The following NAV2 variants were observed in gnomAD, a reference collection of about 807,000 sequenced individuals.
The protein encoded by NAV2 is neuron navigator 2.
Under a neutral mutation model 223.2 loss-of-function variants are expected in NAV2, and 54 were observed. The observed-to-expected ratio is 0.24, with a 90% CI of 0.19 to 0.30. The LOEUF (loss-of-function observed/expected upper bound fraction) is 0.30. Ranked by LOEUF, NAV2 falls within the 10% of genes least tolerant of loss-of-function variation. The pLI is 1.00. For missense variants in NAV2, 2,806 were observed against 3,147.5 expected, an observed-to-expected ratio of 0.89 and a Z score of 2.60; for synonymous variants, 1,279 against 1,239.3, an observed-to-expected ratio of 1.03 and a Z score of -0.67.
At chr11:19,641,625 C>T (rs2047668472) in intron 1 of NAV2, among the ~76,000 whole-genome samples, 1 of 151,914 alleles carries the variant, frequency 6.6e-6, no homozygotes, top group Admixed American at 6.6e-5. Flanking sequence ...CAGACCCCCA[C>T]AAACACAGTG....
chr11:19,431,085 G>T (rs1333342664), intron 1 of NAV2, among the ~76,000 whole-genome samples: 1 of 152,250 alleles, frequency 6.6e-6, no homozygotes, highest in East Asian at 1.9e-4. Flanking sequence ...TAGACAGGCA[G>T]GTGGAGGGGC....
At chr11:19,445,228 C>G (rs1218302873) in intron 1 of NAV2, among the ~76,000 whole-genome samples, 3 of 151,948 alleles carry the variant, frequency 2.0e-5, no homozygotes, top group Non-Finnish European at 4.4e-5. Context: ...ATAGACAGGG[C>G]CCCCTTTGAA....
At chr11:19,671,691 G>A (rs538842412) in intron 1 of NAV2, among the ~76,000 whole-genome samples, 182 of 152,324 alleles carry the variant, frequency 1.2e-3, no homozygotes, top group Non-Finnish European at 2.0e-3. Context: ...TTCAGGCTTT[G>A]CACGGCCGTG....
chr11:19,544,397 C>T (rs970486453), intron 1 of NAV2, among the ~76,000 whole-genome samples: 9 of 152,210 alleles, frequency 5.9e-5, no homozygotes, highest in African/African-American at 2.2e-4. Context: ...GATCTCACAT[C>T]CCCAAGGCTT....
intron 1 of NAV2, among the ~76,000 whole-genome samples, chr11:19,484,127 AACACACACAC>A (rs58138697): frequency 1.4e-4 from 20 of 144,790 alleles, no homozygotes; most frequent in Admixed American, 8.2e-4. Flanking sequence ...ACTGATCACA[AACACACACAC>A]ACACACACAC....
intron 1 of NAV2, among the ~76,000 whole-genome samples, chr11:19,667,747 C>G (rs555928201): frequency 6.6e-6 from 1 of 152,288 alleles, no homozygotes; most frequent in South Asian, 2.1e-4. Context: ...ATGAGATTAG[C>G]TAGAAGCACA....
intron 6 of NAV2, among the ~76,000 whole-genome samples, chr11:19,913,346 G>A (rs1306919240): frequency 6.6e-6 from 1 of 152,124 alleles, no homozygotes; most frequent in Non-Finnish European, 1.5e-5. Flanking sequence ...TTCCCAGTCT[G>A]TAATATCCCA....
intron 1 of NAV2, among the ~76,000 whole-genome samples, chr11:19,627,634 G>T (rs1296534128): frequency 6.6e-6 from 1 of 152,084 alleles, no homozygotes; most frequent in African/African-American, 2.4e-5. Flanking sequence ...TTGTCATGTA[G>T]GTCCTTTGCC....
intron 1 of NAV2, among the ~76,000 whole-genome samples, chr11:19,381,049 C>T (rs2133928117): frequency 6.6e-6 from 1 of 152,246 alleles, no homozygotes; most frequent in Non-Finnish European, 1.5e-5. Context: ...TTGCCTATAC[C>T]TGTGTTCTCT....
chr11:19,675,477 C>T (rs1307369737), intron 1 of NAV2, among the ~76,000 whole-genome samples: 3 of 152,174 alleles, frequency 2.0e-5, no homozygotes, highest in Non-Finnish European at 4.4e-5. Context: ...CTATATGAGG[C>T]ATCAGTCTGT....
intron 1 of NAV2, among the ~76,000 whole-genome samples, chr11:19,629,901 T>C (rs2047297240): frequency 6.6e-6 from 1 of 152,164 alleles, no homozygotes; most frequent in Non-Finnish European, 1.5e-5. Flanking sequence ...AGTCTTAGCC[T>C]CTGTCAGTCC....
chr11:19,860,216 C>T (rs1387257591), intron 3 of NAV2, among the ~76,000 whole-genome samples: 10 of 147,398 alleles, frequency 6.8e-5, no homozygotes, highest in Admixed American at 3.4e-4. Flanking sequence ...CGGGCGGAGA[C>T]GCTCCTCACT....
chr11:19,408,480 A>G (rs1849997499), intron 1 of NAV2, among the ~76,000 whole-genome samples: 1 of 152,208 alleles, frequency 6.6e-6, no homozygotes, highest in Non-Finnish European at 1.5e-5. Flanking sequence ...TCAAGGCAAA[A>G]TGAAAATGTA....
chr11:19,545,538 G>A (rs1473587466), intron 1 of NAV2, among the ~76,000 whole-genome samples: 2 of 152,124 alleles, frequency 1.3e-5, no homozygotes, highest in Non-Finnish European at 2.9e-5. Flanking sequence ...ATGGGAGTCA[G>A]TTTCTCATCA....
At chr11:19,726,043 G>A (rs1042722215) in intron 1 of NAV2, among the ~76,000 whole-genome samples, 3 of 152,160 alleles carry the variant, frequency 2.0e-5, no homozygotes, top group Admixed American at 1.3e-4. Context: ...GCCGTTCTGC[G>A]GTGTGTTGCC....
At chr11:19,819,304 T>C (rs2059258791) in intron 1 of NAV2, among the ~76,000 whole-genome samples, 1 of 152,170 alleles carries the variant, frequency 6.6e-6, no homozygotes, top group African/African-American at 2.4e-5. Context: ...GGGAATGGCT[T>C]TACGGGGACT....
chr11:19,477,207 G>T (rs957311891), intron 1 of NAV2, among the ~76,000 whole-genome samples: 5 of 152,136 alleles, frequency 3.3e-5, no homozygotes, highest in African/African-American at 9.7e-5. Context: ...TGAGGGTATT[G>T]CTAAGAAAAA....
chr11:19,970,453 C>T (rs909804611), intron 10 of NAV2, among the ~76,000 whole-genome samples: 3 of 152,200 alleles, frequency 2.0e-5, no homozygotes, highest in African/African-American at 7.2e-5. Context: ...ACAGGCACTG[C>T]ACCCAGTCCA....
chr11:20,030,284 A>G (rs994400947), intron 11 of NAV2, among the ~76,000 whole-genome samples: 18 of 152,344 alleles, frequency 1.2e-4, no homozygotes, highest in Admixed American at 3.3e-4. Flanking sequence ...CTAGTCATTC[A>G]TATAAAAATC....
Sources: gnomAD v4.1 joint callset for allele counts (sites outside exome capture counted in the v4.1 genomes callset) on GRCh38, gnomAD v4.1.1 for gene constraint, MANE v1.5 for transcripts, NCBI Gene and HGNC (gene_info 2026-07-23, HGNC 2026-07-21) for gene names.